The following PMPCA variants were observed in gnomAD, a reference collection of about 807,000 sequenced individuals.
PMPCA encodes peptidase, mitochondrial processing subunit alpha, also known as mitochondrial-processing peptidase subunit alpha.
A neutral mutation model predicts 59.3 loss-of-function variants in PMPCA; 47 were observed. The ratio of observed to expected loss-of-function variants is 0.79; its 90% CI spans 0.63 to 1.01. The LOEUF (loss-of-function observed/expected upper bound fraction) is 1.01. PMPCA is among the 50% of genes least tolerant of loss of function. The probability of loss-of-function intolerance (pLI) is 0.00; values close to 1 mark genes in which losing one functional copy is unlikely to be tolerated. For missense variants in PMPCA, 726 were observed against 704.5 expected (o/e 1.03, Z -0.34); for synonymous variants, 338 against 290.3 (o/e 1.16, Z -1.67).
chr9:136,420,222 C>T (rs1354102934), intron 11 of PMPCA: 6 of 135,598 alleles, frequency 4.4e-5, no homozygotes, highest in African/African-American at 9.3e-5. Flanking sequence ...GGCTGGAGTG[C>T]GGTGGCATGA....
intron 5 of PMPCA, 56 bp downstream of exon 5, chr9:136,414,703 A>C: frequency 8.7e-7 from 1 of 1,145,062 alleles, no homozygotes; most frequent in Admixed American, 1.7e-5. Flanking sequence ...GAAGACCGGA[A>C]AGGTTTGCAG....
intron 5 of PMPCA, 141 bp downstream of exon 5, chr9:136,414,788 TA>T (rs1168770812): frequency 1.6e-4 from 99 of 612,570 alleles, no homozygotes; most frequent in Non-Finnish European, 2.6e-4. Context: ...CGAGATCTCA[TA>T]AGAAATAGCG....
rs143542738 is a variant in PMPCA, at chr9:136,412,191, C to T, written c.266C>T (p.Thr89Ile). ...ASQNKFGQFC[T>I]VGILINSGSR... is the part of the protein sequence containing the mutation. ...CAGAATAAGTTTGGACAGTTTTGTACAGTAGGAAGTAAGTACTGTTGTGTT... is the reference window on the plus strand; with the variant it reads ...CAGAATAAGTTTGGACAGTTTTGTATAGTAGGAAGTAAGTACTGTTGTGTT... The change falls in exon 2 of 13, where the codon ACA (threonine) becomes ATA (isoleucine). Residue 89 changes from threonine to isoleucine, a missense_variant. By Grantham distance (89) the Thr-to-Ile change is moderately conservative. Coordinates refer to ENST00000371717, the MANE Select transcript of PMPCA (RefSeq NM_015160.3). 150 of 1,611,108 alleles carry T rather than the reference C, an allele frequency of 9.3e-5. 2 individuals carry two copies. In the African/African-American group the frequency reaches 1.7e-3, roughly 19 times the overall value.
rs772142107 is a variant in PMPCA, at chr9:136,414,509, T to TG, written c.438-43dup. The TG allele has an allele frequency of 1.1e-4, 144 of 1,297,044 alleles. No individual in the cohort carries two copies. In the Admixed American group the frequency reaches 2.4e-3, roughly 22 times the overall value. 80.3% of individuals were successfully genotyped at this position (1,297,044 alleles called of 1,614,324 possible). ...AGCGTCCCCTGGCTGTTAAGCAGAG[T>TG]GTGAGTTCAGGGCCTGGCATTATGG... On this transcript the variant is annotated intron_variant, in intron 4 of 12. Transcript: ENST00000371717.
chr9:136,418,048 G>T lies in PMPCA; in HGVS notation c.929G>T (p.Gly310Val). ...AGAGACATGTCCAATGTCAGCCTGG[G>T]CCCGACCCCCATCCCCGAGCTCACG... Reference protein sequence around the residue: ...LERDMSNVSLGPTPIPELTHI... With the variant: ...LERDMSNVSLVPTPIPELTHI... The change falls in exon 8 of 13, where the codon GGC (glycine) becomes GTC (valine). Residue 310 changes from glycine to valine, a missense_variant. By Grantham distance (109) the Gly-to-Val change is moderately radical. Transcript: ENST00000371717. 1 of 1,613,976 alleles carries T rather than the reference G, an allele frequency of 6.2e-7. No individual in the cohort carries two copies. Among genetic ancestry groups the T allele is most frequent in the Non-Finnish European group, 8.5e-7 (1 of 1,179,816 alleles).
At chr9:136,412,983 G>C (rs1356112428) in intron 4 of PMPCA, 91 bp downstream of exon 4, 1 of 801,348 alleles carries the variant, frequency 1.2e-6, no homozygotes, top group African/African-American at 1.7e-5. Flanking sequence ...CCCTCCCAGC[G>C]GGAGGTGTGG....
intron 6 of PMPCA, 92 bp from the exon 7 acceptor site, chr9:136,416,859 G>C: frequency 8.0e-7 from 1 of 1,249,968 alleles, no homozygotes; most frequent in Non-Finnish European, 1.1e-6. Flanking sequence ...ATTTTCCCAG[G>C]GCTGGCTGCA....
At chr9:136,414,411 C>T in intron 4 of PMPCA, 142 bp from the exon 5 acceptor site, 1 of 648,384 alleles carries the variant, frequency 1.5e-6, no homozygotes, top group Non-Finnish European at 2.8e-6. Flanking sequence ...CATGCAAAGC[C>T]CAAGTGTCCC....
intron 12 of PMPCA, chr9:136,422,644 C>T (rs1262611207): frequency 5.9e-6 from 6 of 1,010,318 alleles, no homozygotes; most frequent in Non-Finnish European, 7.1e-6. Context: ...TGTCCAGCCT[C>T]TCTCGGGCCT....
chr9:136,417,105 T>G lies in PMPCA; in HGVS notation c.788T>G (p.Leu263Arg). ...GGCGTGGGCGTGGAGCACGAGCATC[T>G]GGTGGACTGTGCCCGGAAGTACCTC... ...LAGVGVEHEH[L>R]VDCARKYLLG... The change falls in exon 7 of 13, where the codon CTG becomes CGG. Residue 263 changes from leucine (L) to arginine (R), a missense_variant. Transcript: ENST00000371717. 6.2e-7 allele frequency: 1 copy of G among 1,613,902 alleles called. No individual in the cohort carries two copies. Among genetic ancestry groups the G allele is most frequent in the Non-Finnish European group, 8.5e-7 (1 of 1,180,020 alleles).
At chr9:136,422,273 T>G (rs1383755144) in intron 12 of PMPCA, 6 of 1,313,732 alleles carry the variant, frequency 4.6e-6, no homozygotes, top group Admixed American at 5.9e-5. Context: ...AGCACTCAAG[T>G]TAGTAGGCGA....
In PMPCA at chr9:136,416,299, G is replaced by A. The variant is rs1337651265; in HGVS notation, c.541G>A (p.Val181Ile). The A allele has an allele frequency of 5.0e-6, 8 of 1,613,328 alleles. No individual in the cohort carries two copies. The highest frequency in any genetic ancestry group is 4.2e-6 in the Non-Finnish European group (5 of 1,179,568). ...TTTGGGTTCTCTTGCAGATGAAGAAGTCGAGATGACGCGGATGGCGGTCCA... is the reference window on the plus strand; with the variant it reads ...TTTGGGTTCTCTTGCAGATGAAGAAATCGAGATGACGCGGATGGCGGTCCA... ...VLQPRLTDEE[V>I]EMTRMAVQFE... The change falls in exon 6 of 13, where the codon GTC becomes ATC. Residue 181 changes from valine to isoleucine, a missense_variant. By Grantham distance (29) the Val-to-Ile change is conservative. Transcript: ENST00000371717.
At chr9:136,419,000 G>A (rs1405045244) in intron 10 of PMPCA, 44 bp from the exon 11 acceptor site, 60 of 1,596,076 alleles carry the variant, frequency 3.8e-5, no homozygotes, top group Non-Finnish European at 4.4e-5. Context: ...TCAGTAGGCC[G>A]GCAGGCGCAG....
chr9:136,417,246 G>C, intron 7 of PMPCA, 32 bp downstream of exon 7: 1 of 1,533,560 alleles, frequency 6.5e-7, no homozygotes, highest in East Asian at 2.3e-5. Context: ...ATGGCCTCGG[G>C]TGGGGAACAC....
chr9:136,413,218 G>A (rs59287188), intron 4 of PMPCA, among the ~76,000 whole-genome samples: 14,296 of 152,288 alleles, frequency 0.094, 1,541 homozygotes, highest in African/African-American at 0.26. Flanking sequence ...GAGGATGAGT[G>A]GCTGACTTGG....
intron 12 of PMPCA, 47 bp from the exon 13 acceptor site, chr9:136,423,047 TG>T (rs763876069): frequency 3.2e-6 from 5 of 1,561,856 alleles, no homozygotes; most frequent in Non-Finnish European, 4.3e-6. Flanking sequence ...AGCCTCAGCG[TG>T]GGGGCCGTGG....
rs541694322 is a variant in PMPCA, at chr9:136,412,061, T to G, written c.136T>G (p.Ser46Ala). 5 of 1,613,494 alleles carry G rather than the reference T, an allele frequency of 3.1e-6. No individual in the cohort carries two copies. In the Admixed American group the frequency reaches 8.3e-5, roughly 27 times the overall value. ...TGCCTATCCCAACATCCCCCTCTCT[T>G]CTCCCTTACCTGGAGTACCCAAGCC... ...GGAYPNIPLS[S>A]PLPGVPKPVF... The change falls in exon 2 of 13, where the codon TCT (serine) becomes GCT (alanine). Residue 46 changes from serine to alanine, a missense_variant. Coordinates refer to ENST00000371717, the MANE Select transcript of PMPCA (RefSeq NM_015160.3).
Position 136,416,572 on chromosome 9 carries a change from G to T in PMPCA, c.633+181G>T, listed in dbSNP as rs1242746378. On this transcript the variant is annotated intron_variant, in intron 6 of 12. Coordinates refer to ENST00000371717, the MANE Select transcript of PMPCA (RefSeq NM_015160.3). ...GCCTACGCTGGTCTTGCACTCCTGG[G>T]CTCAGCTCAGGTGATCCTCCTGCCT... The T allele has an allele frequency of 6.1e-6, 4 of 659,640 alleles. No homozygotes were observed. The Admixed American group carries it at 8.5e-5, about 14-fold the overall frequency. The allele number at this position is 659,640 out of a possible 1,614,324, so 40.9% of individuals were successfully genotyped here.
At position 136,418,076 on chromosome 9, in the gene PMPCA, C is replaced by G; in HGVS notation, c.957C>G (p.His319Gln). ...LGPTPIPELT[H>Q]IMVGLESCSF... ...CGACCCCCATCCCCGAGCTCACGCACATCATGGTTGGACTGGAGAGCTGCT... is the reference window on the plus strand; with the variant it reads ...CGACCCCCATCCCCGAGCTCACGCAGATCATGGTTGGACTGGAGAGCTGCT... Residue 319 changes from histidine to glutamine, a missense_variant, in exon 8 of 13, where the codon CAC becomes CAG. Coordinates refer to ENST00000371717, the MANE Select transcript of PMPCA (RefSeq NM_015160.3). 1 of 1,613,672 alleles carries G rather than the reference C, an allele frequency of 6.2e-7. No homozygotes were observed. The highest frequency in any genetic ancestry group is 8.5e-7 in the Non-Finnish European group (1 of 1,179,488).
Sources: allele counts gnomAD v4.1 joint callset (sites outside exome capture counted in the v4.1 genomes callset), GRCh38; gene constraint gnomAD v4.1.1; transcripts MANE v1.5; gene names NCBI Gene and HGNC (gene_info 2026-07-23, HGNC 2026-07-21).